NEK10: variants seen among roughly 807,000 people sequenced by gnomAD.
NEK10 encodes the protein NIMA related kinase 10.
A neutral mutation model predicts 159.8 loss-of-function variants in NEK10; 122 were observed. That is an observed-to-expected ratio of 0.76 (90% confidence interval 0.66 to 0.89). The LOEUF is 0.89. Ranked by LOEUF, NEK10 falls within the 40% of genes least tolerant of loss-of-function variation. The pLI is 0.00. For missense variants in NEK10, 1,342 were observed against 1,323.1 expected (o/e 1.01, Z -0.22); for synonymous variants, 466 against 457.1 (o/e 1.02, Z -0.25).
At chr3:27,361,254 A>G (rs2149877347) in intron 1 of NEK10, among the ~76,000 whole-genome samples, 1 of 152,310 alleles carries the variant, frequency 6.6e-6, no homozygotes, top group East Asian at 1.9e-4. Context: ...TTGCATAATG[A>G]TATTTGTGGT....
chr3:27,340,643 A>G (rs1245840108), intron 5 of NEK10, among the ~76,000 whole-genome samples: 1 of 152,230 alleles, frequency 6.6e-6, no homozygotes, highest in African/African-American at 2.4e-5. Context: ...AATGCAAATC[A>G]AAACTACAGT....
At chr3:27,325,293 G>A (rs1271542706) in intron 5 of NEK10, among the ~76,000 whole-genome samples, 1 of 152,198 alleles carries the variant, frequency 6.6e-6, no homozygotes, top group Non-Finnish European at 1.5e-5. Flanking sequence ...AAGCGAGGGA[G>A]ATAATGGAAG....
chr3:27,256,217 C>T (rs528132142), intron 23 of NEK10, 79 bp downstream of exon 23: 7 of 627,790 alleles, frequency 1.1e-5, no homozygotes, highest in African/African-American at 7.8e-5. Context: ...ATTCTCTTTC[C>T]TTTGCAAGTC....
At chr3:27,116,663 A>G (rs1940488246) in intron 33 of NEK10, among the ~76,000 whole-genome samples, 1 of 152,002 alleles carries the variant, frequency 6.6e-6, no homozygotes, top group Admixed American at 6.6e-5. Flanking sequence ...TATTATTATT[A>G]TTATCATCAT....
At chr3:27,250,482 A>G (rs1248571316) in intron 23 of NEK10, among the ~76,000 whole-genome samples, 2 of 152,116 alleles carry the variant, frequency 1.3e-5, no homozygotes, top group Non-Finnish European at 2.9e-5. Context: ...CACTGTGCCC[A>G]GCCTGTGTAT....
At chr3:27,319,835 A>T (rs949470946) in intron 6 of NEK10, among the ~76,000 whole-genome samples, 7 of 152,162 alleles carry the variant, frequency 4.6e-5, no homozygotes, top group Non-Finnish European at 7.3e-5. Flanking sequence ...ACAGAGGATG[A>T]TATAATTTGA....
At position 27,107,691 on chromosome 3, in the gene NEK10, C is replaced by T. The variant is rs1364124122; in HGVS notation, c.*3581G>A. 6.6e-6 allele frequency among the ~76,000 whole-genome samples: 1 copy of T among 152,172 alleles called. No homozygotes were observed. The highest frequency in any genetic ancestry group is 2.4e-5 in the African/African-American group (1 of 41,430). On this transcript the variant is annotated 3_prime_UTR_variant, in exon 36 of 36. Transcript: ENST00000691995. ...ACGTTGGAGCCCTTCATAGCTGTAA[C>T]TCCAGGGTGCCAAGAAGCTGTTTCA...
intron 32 of NEK10, among the ~76,000 whole-genome samples, chr3:27,124,477 C>T (rs2125470487): frequency 6.6e-6 from 1 of 152,226 alleles, no homozygotes; most frequent in African/African-American, 2.4e-5. Flanking sequence ...TACAACTACC[C>T]TCTAAGGCAA....
chr3:27,336,221 T>C (rs1174426697), intron 5 of NEK10, among the ~76,000 whole-genome samples: 1 of 152,036 alleles, frequency 6.6e-6, no homozygotes, highest in Non-Finnish European at 1.5e-5. Flanking sequence ...TTATGAACAA[T>C]TATATGCTAA....
chr3:27,162,142 CT>C, intron 30 of NEK10: 2 of 277,554 alleles, frequency 7.2e-6, no homozygotes, highest in South Asian at 7.6e-5. Context: ...ACAGAAATAC[CT>C]ATGTAAAACA....
chr3:27,234,813 C>A (rs1326477815), intron 23 of NEK10, among the ~76,000 whole-genome samples: 1 of 151,978 alleles, frequency 6.6e-6, no homozygotes, highest in Non-Finnish European at 1.5e-5. Flanking sequence ...CCAAGGAGAT[C>A]CTAAGCAAAA....
rs115828872 is a variant in NEK10, at chr3:27,248,216, T to A, written c.2090+8080A>T. Among the ~76,000 whole-genome samples, 1,348 of 152,288 alleles carry A rather than the reference T, an allele frequency of 8.9e-3. 24 individuals carry two copies. Among genetic ancestry groups the A allele is most frequent in the African/African-American group, 0.03 (1,249 of 41,574 alleles). On this transcript the variant is annotated intron_variant, in intron 23 of 35. Coordinates refer to ENST00000691995, the MANE Select transcript of NEK10 (RefSeq NM_001394966.1). ...TTTCTGCAGTATCAATTGTAATGTC[T>A]CCTTTTTCATCCCTGATTGTATTTA...
intron 22 of NEK10, among the ~76,000 whole-genome samples, chr3:27,279,418 G>C (rs1337344182): frequency 6.6e-6 from 1 of 152,078 alleles, no homozygotes; most frequent in Non-Finnish European, 1.5e-5. Flanking sequence ...ATTCTCACAG[G>C]CTCTACTAAT....
chr3:27,198,872 C>T (rs183514069), intron 25 of NEK10, among the ~76,000 whole-genome samples: 1 of 141,480 alleles, frequency 7.1e-6, no homozygotes, highest in Admixed American at 6.9e-5. Flanking sequence ...GAGATAGAGA[C>T]CATCCTGGCT....
At chr3:27,182,171 G>A (rs1219908988) in intron 26 of NEK10, among the ~76,000 whole-genome samples, 4 of 152,186 alleles carry the variant, frequency 2.6e-5, no homozygotes, top group African/African-American at 7.2e-5. Context: ...CTGTATTCTT[G>A]AAAAATACTG....
chr3:27,248,312 A>G (rs1384534597), intron 23 of NEK10, among the ~76,000 whole-genome samples: 1 of 152,010 alleles, frequency 6.6e-6, no homozygotes, highest in Non-Finnish European at 1.5e-5. Flanking sequence ...CCAAAAAACA[A>G]CTTTCCATTT....
Position 27,168,809 on chromosome 3 carries a change from A to G in NEK10, c.2831+3010T>C, listed in dbSNP as rs563239164. On this transcript the variant is annotated intron_variant, in intron 29 of 35. Coordinates refer to ENST00000691995, the MANE Select transcript of NEK10 (RefSeq NM_001394966.1). ...ACATACTTTCCAAAACATCAACTTC[A>G]ATGTATGGGCCACTTTCCATATCCA... Among the ~76,000 whole-genome samples the G allele has an allele frequency of 4.6e-5, 7 of 152,280 alleles. No individual in the cohort carries two copies. The South Asian group carries it at 1.4e-3, about 32-fold the overall frequency.
intron 26 of NEK10, among the ~76,000 whole-genome samples, chr3:27,191,372 G>C (rs1256527548): frequency 6.6e-6 from 1 of 151,120 alleles, no homozygotes; most frequent in African/African-American, 2.4e-5. Flanking sequence ...GCAAACAACA[G>C]AACACTGATT....
In NEK10 at chr3:27,108,172, T is replaced by G. The variant is rs1489218407; in HGVS notation, c.*3100A>C. 6.6e-6 allele frequency among the ~76,000 whole-genome samples: 1 copy of G among 152,224 alleles called. No homozygotes were observed. Among genetic ancestry groups the G allele is most frequent in the Admixed American group, 6.5e-5 (1 of 15,276 alleles). On this transcript the variant is annotated 3_prime_UTR_variant, in exon 36 of 36. Coordinates refer to ENST00000691995, the MANE Select transcript of NEK10 (RefSeq NM_001394966.1). The stretch of plus-strand genomic sequence containing the variant: ...CTCTTAATCAATTATATCATTTGAG[T>G]AAATTTCCTAACAGTGTTTCTTAAT...
Sources: gnomAD v4.1 joint callset for allele counts (sites outside exome capture counted in the v4.1 genomes callset) on GRCh38, gnomAD v4.1.1 for gene constraint, MANE v1.5 for transcripts, NCBI Gene and HGNC (gene_info 2026-07-23, HGNC 2026-07-21) for gene names.